The following RNPEPL1 variants were observed in gnomAD, a reference collection of about 807,000 sequenced individuals.
RNPEPL1 encodes the protein arginyl aminopeptidase like 1, also known as aminopeptidase RNPEPL1.
In RNPEPL1, 46 loss-of-function variants were observed where a neutral mutation model predicts 69.0. That is an observed-to-expected ratio of 0.67 (90% CI 0.53 to 0.85). RNPEPL1 has a LOEUF of 0.85. RNPEPL1 is among the 40% of genes least tolerant of loss of function. RNPEPL1 has a pLI of 0.00. For missense variants in RNPEPL1, 869 were observed against 992.5 expected (o/e 0.88, Z 1.67); for synonymous variants, 525 against 454.1 (o/e 1.16, Z -1.98).
At position 240,574,255 on chromosome 2, in the gene RNPEPL1, G is replaced by A. The variant is rs371830036; in HGVS notation, c.1081G>A (p.Gly361Ser). 29 of 1,612,590 alleles carry A rather than the reference G, an allele frequency of 1.8e-5. No individual in the cohort carries two copies. Among genetic ancestry groups the A allele is most frequent in the Non-Finnish European group, 2.1e-5 (25 of 1,179,942 alleles). The change falls in exon 5 of 11, where the codon GGC (glycine) becomes AGC (serine). Residue 361 changes from glycine (G) to serine (S), a missense_variant. Physicochemically the swap from Gly to Ser is moderately conservative, Grantham distance 56 (BLOSUM62 0). Transcript: ENST00000270357. ...CCACGAGGTGGCCCACAGTTGGTTCGGCAACGCTGTCACCAACGCCACGTG... is the reference window on the plus strand; with the variant it reads ...CCACGAGGTGGCCCACAGTTGGTTCAGCAACGCTGTCACCAACGCCACGTG... Reference protein sequence around the residue: ...VIHEVAHSWFGNAVTNATWEE... With the variant: ...VIHEVAHSWFSNAVTNATWEE...
In RNPEPL1 at chr2:240,574,321, C is replaced by T; in HGVS notation, c.1147C>T (p.Gln383Ter). Residue 383 changes from glutamine to a stop codon, truncating the protein, a stop_gained, in exon 5 of 11, where the codon CAG (glutamine) becomes TAG (stop). Coordinates refer to ENST00000270357, the MANE Select transcript of RNPEPL1 (RefSeq NM_018226.6). LOFTEE classifies it high-confidence loss of function. ...GAGCGAGGGCCTGGCCACCTATGCCCAGCGCCGTATCACCACCGAGACCTA... is the reference window on the plus strand; with the variant it reads ...GAGCGAGGGCCTGGCCACCTATGCCTAGCGCCGTATCACCACCGAGACCTA... Reference protein sequence around the residue: ...WLSEGLATYAQRRITTETYGA... With the variant: ...WLSEGLATYA The T allele has an allele frequency of 6.2e-7, 1 of 1,601,050 alleles. No individual in the cohort carries two copies.
At chr2:240,572,099 A>G (rs762314916) in intron 1 of RNPEPL1, among the ~76,000 whole-genome samples, 3 of 152,264 alleles carry the variant, frequency 2.0e-5, no homozygotes, top group Non-Finnish European at 2.9e-5. Flanking sequence ...AGATAATGCA[A>G]TGATGGGCTA....
At chr2:240,570,466 C>T (rs2093018083) in intron 1 of RNPEPL1, among the ~76,000 whole-genome samples, 1 of 152,230 alleles carries the variant, frequency 6.6e-6, no homozygotes, top group Non-Finnish European at 1.5e-5. Flanking sequence ...TAACCTCAGG[C>T]ATGCACCTTT....
At chr2:240,573,731 G>T (rs773529291) in intron 3 of RNPEPL1, 44 bp from the exon 4 acceptor site, 2 of 1,464,166 alleles carry the variant, frequency 1.4e-6, no homozygotes, top group East Asian at 2.5e-5. Flanking sequence ...GGTGAGCGGG[G>T]CTGGGGCTGC....
chr2:240,569,234 C>T (rs1183140018), intron 1 of RNPEPL1, 120 bp downstream of exon 1: 3 of 1,117,590 alleles, frequency 2.7e-6, no homozygotes, highest in Non-Finnish European at 3.5e-6. Context: ...CCCCTCCCCC[C>T]ACCCCGGTGA....
At chr2:240,572,996 A>G in intron 2 of RNPEPL1, 114 bp from the exon 3 acceptor site, 1 of 1,223,084 alleles carries the variant, frequency 8.2e-7, no homozygotes, top group Non-Finnish European at 1.1e-6. Flanking sequence ...ACGTTCCCTG[A>G]TGGGGATGTA....
chr2:240,573,543 C>T lies in RNPEPL1; in HGVS notation c.822-232C>T, dbSNP rs115551785. On this transcript the variant is annotated intron_variant, in intron 3 of 10. Coordinates refer to ENST00000270357, the MANE Select transcript of RNPEPL1 (RefSeq NM_018226.6). ...ACCCTCATACCTTCGTTGGTCCCTT[C>T]AGCCCAGAGATAAAATGAGCTACGT... is the stretch of plus-strand genomic sequence containing the variant. Among the ~76,000 whole-genome samples the T allele has an allele frequency of 6.6e-3, 1,009 of 152,378 alleles. 14 individuals carry two copies. Among genetic ancestry groups the T allele is most frequent in the African/African-American group, 0.023 (956 of 41,580 alleles).
At position 240,569,103 on chromosome 2, in the gene RNPEPL1, G is replaced by A; in HGVS notation, c.517G>A (p.Asp173Asn). ...FQVILRYTST[D>N]APAIWWLDPE... ...GGTCATCCTGCGGTACACCTCGACC[G>A]ACGCCCCCGCCGTGAGTCCGGGGCG... Residue 173 changes from aspartate (D) to asparagine (N), a missense_variant, in exon 1 of 11, where the codon GAC becomes AAC. Physicochemically the swap from Asp to Asn is conservative, Grantham distance 23. Coordinates refer to ENST00000270357, the MANE Select transcript of RNPEPL1 (RefSeq NM_018226.6). 2.7e-6 allele frequency: 4 copies of A among 1,494,896 alleles called. No individual in the cohort carries two copies. The highest frequency in any genetic ancestry group is 2.7e-6 in the Non-Finnish European group (3 of 1,128,448). 92.6% of individuals were successfully genotyped at this position (1,494,896 alleles called of 1,614,324 possible).
Position 240,568,807 on chromosome 2 carries a change from C to T in RNPEPL1, c.221C>T (p.Ala74Val). ...ELCALRPAPRALVLDAHPALR... is the reference protein window; with the variant it reads ...ELCALRPAPRVLVLDAHPALR... ...TGCGCGCTGCGGCCCGCGCCCCGCG[C>T]GCTCGTGCTCGACGCGCACCCGGCT... The change falls in exon 1 of 11, where the codon GCG (alanine) becomes GTG (valine). Residue 74 changes from alanine (A) to valine (V), a missense_variant. By Grantham distance (64) the Ala-to-Val change is moderately conservative (BLOSUM62 0). Coordinates refer to ENST00000270357, the MANE Select transcript of RNPEPL1 (RefSeq NM_018226.6). The surrounding 1 kb of genome is among the most constrained non-coding windows in gnomAD (Gnocchi z 6.2). 1.8e-6 allele frequency: 2 copies of T among 1,095,192 alleles called. No individual in the cohort carries two copies. The highest frequency in any genetic ancestry group is 6.4e-5 in the East Asian group (1 of 15,548). The allele number at this position is 1,095,192 out of a possible 1,614,324, so 67.8% of individuals were successfully genotyped here.
In RNPEPL1 at chr2:240,576,960, C is replaced by T. The variant is rs762230123; in HGVS notation, c.1854C>T (p.Leu618=). The T allele has an allele frequency of 1.2e-6, 2 of 1,613,258 alleles. No individual in the cohort carries two copies. The highest frequency in any genetic ancestry group is 2.7e-5 in the African/African-American group (2 of 74,928). The change falls in exon 10 of 11, where the codon CTC becomes CTT. Residue 618 remains leucine, a synonymous_variant. Coordinates refer to ENST00000270357, the MANE Select transcript of RNPEPL1 (RefSeq NM_018226.6). Reference sequence around the variant, plus strand: ...TCCGCAACGACTACTATCCTGACCTCCACAGGGTGCGGCGCTTCCTGGAGA... The same window carrying T: ...TCCGCAACGACTACTATCCTGACCTTCACAGGGTGCGGCGCTTCCTGGAGA... The part of the protein sequence containing the change: ...IVVRNDYYPD[L]HRVRRFLESQ...
rs997953068 is a variant in RNPEPL1, at chr2:240,572,581, G to A, written c.669+18G>A. ...TCGTCAAGGTCAGGGGCCGCCAGCT[G>A]CCGTCACCTTGCTCCCAGGACAGCC... On this transcript the variant is annotated intron_variant, in intron 2 of 10. Transcript: ENST00000270357. The A allele has an allele frequency of 5.2e-6, 8 of 1,535,828 alleles. No individual in the cohort carries two copies. Among genetic ancestry groups the A allele is most frequent in the Non-Finnish European group, 7.0e-6 (8 of 1,146,642 alleles).
rs753901860 is a variant in RNPEPL1, at chr2:240,576,973, C to T, written c.1867C>T (p.Arg623Cys). 3 of 1,613,208 alleles carry T rather than the reference C, an allele frequency of 1.9e-6. No homozygotes were observed. The highest frequency in any genetic ancestry group is 1.1e-5 in the South Asian group (1 of 91,076). Residue 623 changes from arginine (R) to cysteine (C), a missense_variant, in exon 10 of 11, where the codon CGC (arginine) becomes TGC (cysteine). Around this residue, in one of 2 missense-constraint regions of RNPEPL1, gnomAD observed 610 missense variants for 790.9 expected, o/e 0.77. Coordinates refer to ENST00000270357, the MANE Select transcript of RNPEPL1 (RefSeq NM_018226.6). Reference sequence around the variant, plus strand: ...CTATCCTGACCTCCACAGGGTGCGGCGCTTCCTGGAGAGCCAGGTGCGGTC... The same window carrying T: ...CTATCCTGACCTCCACAGGGTGCGGTGCTTCCTGGAGAGCCAGGTGCGGTC... ...DYYPDLHRVR[R>C]FLESQMSRMY...
rs545954158 is a variant in RNPEPL1, at chr2:240,573,922, G to A, written c.938+31G>A. On this transcript the variant is annotated intron_variant, in intron 4 of 10. Coordinates refer to ENST00000270357, the MANE Select transcript of RNPEPL1 (RefSeq NM_018226.6). ...CCCCGGGGACCTGTGGACCTGGCTG[G>A]CTGGAAGGAGGAGTCAGAGGGGGAG... 5 of 1,562,344 alleles carry A rather than the reference G, an allele frequency of 3.2e-6. No individual in the cohort carries two copies. In the East Asian group the frequency reaches 1.2e-4, roughly 36 times the overall value.
Position 240,578,695 on chromosome 2 carries a change from G to A in RNPEPL1, c.*803G>A, listed in dbSNP as rs1037805125. The A allele has an allele frequency of 2.0e-5, 3 of 152,482 alleles. No individual in the cohort carries two copies. The highest frequency in any genetic ancestry group is 2.1e-4 in the South Asian group (1 of 4,834). The allele number at this position is 152,482 out of a possible 1,614,324, so 9.4% of individuals were successfully genotyped here. ...TGGGACTGCTGTGATGGGGTATCAC[G>A]GTGATGGTCCCATTAAACTTCCACT... On this transcript the variant is annotated 3_prime_UTR_variant, in exon 11 of 11. Transcript: ENST00000270357.
chr2:240,574,311 C>A lies in RNPEPL1; in HGVS notation c.1137C>A (p.Ala379=), dbSNP rs139353275. 132 of 1,604,404 alleles carry A rather than the reference C, an allele frequency of 8.2e-5. No homozygotes were observed. Among genetic ancestry groups the A allele is most frequent in the Non-Finnish European group, 1.1e-4 (129 of 1,179,800 alleles). Residue 379 remains alanine, a synonymous_variant, in exon 5 of 11, where the codon GCC becomes GCA. Transcript: ENST00000270357. ...WEEMWLSEGL[A]TYAQRRITTE... is the part of the protein sequence containing the mutation. The stretch of plus-strand genomic sequence containing the variant: ...AGATGTGGCTGAGCGAGGGCCTGGC[C>A]ACCTATGCCCAGCGCCGTATCACCA...
At chr2:240,576,215 G>A (rs2093037281) in intron 8 of RNPEPL1, 3 of 436,096 alleles carry the variant, frequency 6.9e-6, no homozygotes, top group Non-Finnish European at 1.2e-5. Flanking sequence ...GCTGGTTCAT[G>A]GCGCAGGTGG....
intron 1 of RNPEPL1, 82 bp downstream of exon 1, chr2:240,569,196 G>A: frequency 7.4e-7 from 1 of 1,345,360 alleles, no homozygotes; most frequent in South Asian, 1.7e-5. Context: ...CCAGGCTGAG[G>A]GACGCGAATC....
chr2:240,576,302 C>T (rs2093037548), intron 8 of RNPEPL1: 1 of 586,512 alleles, frequency 1.7e-6, no homozygotes, highest in African/African-American at 1.9e-5. Flanking sequence ...GGGTGCGAGT[C>T]CCTTGGTCAC....
In RNPEPL1 at chr2:240,573,244, G is replaced by C. The variant is rs766738141; in HGVS notation, c.804G>C (p.Pro268=). The change falls in exon 3 of 11, where the codon CCG becomes CCC. Residue 268 remains proline, a synonymous_variant. Transcript: ENST00000270357. ...CCCTGGTGGCCGGAGACCTCAAGCCGGCAGACATCGGGCCCAGGTAGGGCC... is the reference window on the plus strand; with the variant it reads ...CCCTGGTGGCCGGAGACCTCAAGCCCGCAGACATCGGGCCCAGGTAGGGCC... The part of the protein sequence containing the change: ...LVALVAGDLK[P]ADIGPRSRVW... 6.4e-7 allele frequency: 1 copy of C among 1,565,916 alleles called. No individual in the cohort carries two copies. The highest frequency in any genetic ancestry group is 1.4e-5 in the African/African-American group (1 of 74,070).
Sources: allele counts gnomAD v4.1 joint callset (sites outside exome capture counted in the v4.1 genomes callset), GRCh38; gene constraint gnomAD v4.1.1; regional missense constraint gnomAD v4.1.1; non-coding constraint Gnocchi (gnomAD v3.1); transcripts MANE v1.5; gene names NCBI Gene and HGNC (gene_info 2026-07-23, HGNC 2026-07-21).